The following SH3RF1 variants were observed in gnomAD, a reference collection of about 807,000 sequenced individuals.
SH3RF1 encodes the protein E3 ubiquitin-protein ligase SH3RF1.
In SH3RF1, 32 loss-of-function variants were observed where a neutral mutation model predicts 74.0. The observed-to-expected ratio is 0.43, with a 90% CI of 0.33 to 0.58. The LOEUF (loss-of-function observed/expected upper bound fraction) is 0.58, where lower values mean the gene tolerates loss of function less well. Ranked by LOEUF, SH3RF1 falls within the 20% of genes least tolerant of loss-of-function variation. The probability of loss-of-function intolerance (pLI) is 0.05; values close to 1 mark genes in which losing one functional copy is unlikely to be tolerated. For missense variants in SH3RF1, 954 were observed against 1,130.9 expected (o/e 0.84, Z 2.24); for synonymous variants, 396 against 439.6 (o/e 0.90, Z 1.24).
intron 2 of SH3RF1, among the ~76,000 whole-genome samples, chr4:169,214,668 G>A (rs1730434645): frequency 6.6e-6 from 1 of 151,918 alleles, no homozygotes; most frequent in Non-Finnish European, 1.5e-5. Context: ...TAAGTATATA[G>A]GTCCATATAT....
chr4:169,135,130 C>T (rs1170886939), intron 5 of SH3RF1, among the ~76,000 whole-genome samples: 5 of 152,194 alleles, frequency 3.3e-5, no homozygotes, highest in Admixed American at 1.3e-4. Flanking sequence ...AGGCCAAGAG[C>T]TTGTTACCAG....
chr4:169,098,418 C>T (rs1014027917), intron 11 of SH3RF1, among the ~76,000 whole-genome samples: 1 of 152,170 alleles, frequency 6.6e-6, no homozygotes, highest in Non-Finnish European at 1.5e-5. Context: ...CCTATTACAG[C>T]CTGCCCCTTT....
At chr4:169,107,421 T>C (rs1733164676) in intron 10 of SH3RF1, among the ~76,000 whole-genome samples, 1 of 152,182 alleles carries the variant, frequency 6.6e-6, no homozygotes, top group African/African-American at 2.4e-5. Flanking sequence ...GGCCACCAAG[T>C]TTTGTGTGGT....
intron 2 of SH3RF1, among the ~76,000 whole-genome samples, chr4:169,181,257 C>CTTTTTTT (rs397878328): frequency 3.0e-4 from 31 of 103,386 alleles, no homozygotes; most frequent in African/African-American, 1.0e-3. Context: ...TTGGGAAAGC[C>CTTTTTTT]TTTTTTTTTT....
intron 10 of SH3RF1, among the ~76,000 whole-genome samples, chr4:169,114,221 T>C (rs1443028531): frequency 2.6e-5 from 4 of 152,152 alleles, no homozygotes; most frequent in Non-Finnish European, 4.4e-5. Context: ...TGGGGAAGAA[T>C]CTGTTCCCTT....
At chr4:169,250,393 A>G in intron 2 of SH3RF1, among the ~76,000 whole-genome samples, 1 of 152,202 alleles carries the variant, frequency 6.6e-6, no homozygotes, top group East Asian at 1.9e-4. Context: ...ATACAAAGTG[A>G]ATTGCCAAAT....
At chr4:169,141,836 G>T (rs1473002506) in intron 4 of SH3RF1, among the ~76,000 whole-genome samples, 7 of 138,258 alleles carry the variant, frequency 5.1e-5, no homozygotes, top group Non-Finnish European at 9.2e-5. Flanking sequence ...TTTTTGAGAT[G>T]GAGTCTCGCT....
At chr4:169,160,922 T>C (rs1215487357) in intron 2 of SH3RF1, among the ~76,000 whole-genome samples, 1 of 152,244 alleles carries the variant, frequency 6.6e-6, no homozygotes, top group Non-Finnish European at 1.5e-5. Flanking sequence ...AAAATATGTC[T>C]GGAGCCCATG....
At chr4:169,108,631 C>T (rs187834858) in intron 10 of SH3RF1, among the ~76,000 whole-genome samples, 1 of 152,300 alleles carries the variant, frequency 6.6e-6, no homozygotes, top group East Asian at 1.9e-4. Flanking sequence ...GCAACTCTCC[C>T]GGGTAGAGGA....
chr4:169,104,145 T>G (rs1438399814), intron 11 of SH3RF1, among the ~76,000 whole-genome samples: 1 of 152,066 alleles, frequency 6.6e-6, no homozygotes, highest in Non-Finnish European at 1.5e-5. Flanking sequence ...AGGAATGCAC[T>G]GGGGGAGGGA....
At chr4:169,201,358 T>A (rs1196314253) in intron 2 of SH3RF1, among the ~76,000 whole-genome samples, 1 of 152,210 alleles carries the variant, frequency 6.6e-6, no homozygotes, top group Non-Finnish European at 1.5e-5. Flanking sequence ...AAGAAGGGAT[T>A]AGAGCGGGGC....
chr4:169,144,685 C>A (rs1733842940), intron 4 of SH3RF1, among the ~76,000 whole-genome samples: 1 of 151,808 alleles, frequency 6.6e-6, no homozygotes, highest in African/African-American at 2.4e-5. Flanking sequence ...GAATGGCAGG[C>A]ACACTATAGT....
chr4:169,198,372 G>C (rs1309419969), intron 2 of SH3RF1, among the ~76,000 whole-genome samples: 1 of 152,164 alleles, frequency 6.6e-6, no homozygotes, highest in Non-Finnish European at 1.5e-5. Context: ...TAAATCAGCA[G>C]ATTCTTCATG....
chr4:169,187,377 G>T (rs577186886), intron 2 of SH3RF1, among the ~76,000 whole-genome samples: 5 of 152,034 alleles, frequency 3.3e-5, no homozygotes, highest in Admixed American at 6.6e-5. Flanking sequence ...ACTTTTTGTG[G>T]AGATGGGGTC....
intron 1 of SH3RF1, 94 bp from the exon 2 acceptor site, chr4:169,269,401 G>C: frequency 1.7e-6 from 1 of 590,562 alleles, no homozygotes; most frequent in Non-Finnish European, 2.9e-6. Context: ...GTACCCAAAA[G>C]TACACTATTC....
chr4:169,152,170 A>C (rs1733986894), intron 4 of SH3RF1, among the ~76,000 whole-genome samples: 2 of 152,194 alleles, frequency 1.3e-5, no homozygotes, highest in South Asian at 4.1e-4. Flanking sequence ...CAAGTGAAGA[A>C]AGGGCCTGTC....
intron 2 of SH3RF1, among the ~76,000 whole-genome samples, chr4:169,248,865 T>C (rs978307026): frequency 1.3e-5 from 2 of 152,148 alleles, no homozygotes; most frequent in Non-Finnish European, 2.9e-5. Context: ...TCCTGTGCTA[T>C]GGTTTGAATG....
At chr4:169,157,538 G>A (rs561228120) in intron 2 of SH3RF1, among the ~76,000 whole-genome samples, 1 of 152,236 alleles carries the variant, frequency 6.6e-6, no homozygotes, top group East Asian at 1.9e-4. Context: ...CAACGGCATT[G>A]GGGGTGCCCA....
chr4:169,206,772 T>C (rs1478133541), intron 2 of SH3RF1, among the ~76,000 whole-genome samples: 1 of 152,152 alleles, frequency 6.6e-6, no homozygotes, highest in Non-Finnish European at 1.5e-5. Context: ...TAGCGTTGCA[T>C]TCATTTTACC....
Sources: gnomAD v4.1 joint callset for allele counts (sites outside exome capture counted in the v4.1 genomes callset) on GRCh38, gnomAD v4.1.1 for gene constraint, MANE v1.5 for transcripts, NCBI Gene and HGNC (gene_info 2026-07-23, HGNC 2026-07-21) for gene names.